NLRP13: variants seen among roughly 807,000 people sequenced by gnomAD.
NLRP13 encodes NACHT, LRR and PYD domains-containing protein 13.
In NLRP13, 82 loss-of-function variants were observed where a neutral mutation model predicts 94.4. That is an observed-to-expected ratio of 0.87 (90% CI 0.73 to 1.04). The LOEUF (loss-of-function observed/expected upper bound fraction) is 1.04. Ranked by LOEUF, NLRP13 falls within the 50% of genes least tolerant of loss-of-function variation. The pLI, the probability that NLRP13 is intolerant of heterozygous loss-of-function variation, is 0.00. For synonymous variants in NLRP13, 553 were observed against 464.7 expected, an observed-to-expected ratio of 1.19 and a Z score of -2.45; for missense variants, 1,426 against 1,230.8, an observed-to-expected ratio of 1.16 and a Z score of -2.37.
chr19:55,911,851 C>G lies in NLRP13; in HGVS notation c.1966G>C (p.Gly656Arg), dbSNP rs557690413. ...QEEDFTKKML[G>R]RIFEVDLNIL... ...TTAAGGTCAACTTCAAAGATACGAC[C>G]CAACATCTTCTTTGTGAAGTCTTCC... Residue 656 changes from glycine (G) to arginine (R), a missense_variant, in exon 5 of 11, where the codon GGT becomes CGT. Gly to Arg is a moderately radical substitution (Grantham distance 125). Coordinates refer to ENST00000342929, the MANE Select transcript of NLRP13 (RefSeq NM_176810.2). 1.9e-5 allele frequency: 30 copies of G among 1,614,152 alleles called. No individual in the cohort carries two copies. The South Asian group carries it at 3.2e-4, about 17-fold the overall frequency.
chr19:55,927,294 G>A (rs559952650), intron 1 of NLRP13, among the ~76,000 whole-genome samples: 135 of 151,236 alleles, frequency 8.9e-4, no homozygotes, highest in African/African-American at 3.0e-3. Context: ...GCTTGAACCC[G>A]GAGGCAGAGG....
intron 1 of NLRP13, among the ~76,000 whole-genome samples, chr19:55,927,300 A>C (rs1254124303): frequency 6.6e-6 from 1 of 150,980 alleles, no homozygotes; most frequent in Non-Finnish European, 1.5e-5. Context: ...ACCCGGAGGC[A>C]GAGGTTGCAG....
rs147351115 is a variant in NLRP13 at position 55,912,120 on chromosome 19, A to G, written c.1697T>C (p.Met566Thr). ...FPPHSTKPQEMKMLLQHVLLD... is the reference protein window; with the variant it reads ...FPPHSTKPQETKMLLQHVLLD... Reference sequence around the variant, plus strand: ...CAAGACGTGTTGCAGTAACATCTTCATCTCTTGTGGCTTTGTGGAATGGGG... The same window carrying G: ...CAAGACGTGTTGCAGTAACATCTTCGTCTCTTGTGGCTTTGTGGAATGGGG... Residue 566 changes from methionine (M) to threonine (T), a missense_variant, in exon 5 of 11, where the codon ATG becomes ACG. Physicochemically the swap from Met to Thr is moderately conservative, Grantham distance 81. Transcript: ENST00000342929. 1.9e-5 allele frequency: 30 copies of G among 1,614,154 alleles called. No homozygotes were observed. The Admixed American group carries it at 2.3e-4, about 13-fold the overall frequency.
In NLRP13 at chr19:55,895,978, T is replaced by C; in HGVS notation, c.3099A>G (p.Lys1033=). Residue 1033 remains lysine (K), a synonymous_variant, in exon 11 of 11, where the codon AAA becomes AAG. Transcript: ENST00000342929. ...GTTTCTGCAGCCTGCATGTCGACTTTTTCAAAGCCTTACATAGCATCTTGA... is the reference window on the plus strand; with the variant it reads ...GTTTCTGCAGCCTGCATGTCGACTTCTTCAAAGCCTTACATAGCATCTTGA... ...DGVKMLCKAL[K]KSTCRLQKLG is the part of the protein sequence containing the mutation. 1 of 1,614,062 alleles carries C rather than the reference T, an allele frequency of 6.2e-7. No homozygotes were observed. The highest frequency in any genetic ancestry group is 8.5e-7 in the Non-Finnish European group (1 of 1,179,982).
chr19:55,921,780 AATGAGGCCACAGAGTTGGAGATGAGAGTC>A (rs1213837285), intron 4 of NLRP13, among the ~76,000 whole-genome samples: 1 of 152,166 alleles, frequency 6.6e-6, no homozygotes, highest in Non-Finnish European at 1.5e-5. Flanking sequence ...AGCAGGTGGC[AATGAGGCCACAGAGTTGGAGATGAGAGTC>A]ATGAGGCCAC....
Position 55,932,286 on chromosome 19 carries a change from G to A in NLRP13, c.26C>T (p.Pro9Leu), listed in dbSNP as rs1419516356. 67 of 1,607,716 alleles carry A rather than the reference G, an allele frequency of 4.2e-5. No homozygotes were observed. The highest frequency in any genetic ancestry group is 5.5e-5 in the Non-Finnish European group (65 of 1,178,532). MNFSVITC[P>L]NGGTNQGLLP... is the part of the protein sequence containing the mutation. ...AAGCCCTTGGTTGGTACCACCGTTGGGGCAGGTGATTACAGAAAAGTTCAT... is the reference window on the plus strand; with the variant it reads ...AAGCCCTTGGTTGGTACCACCGTTGAGGCAGGTGATTACAGAAAAGTTCAT... Residue 9 changes from proline (P) to leucine (L), a missense_variant, in exon 1 of 11, where the codon CCC (proline) becomes CTC (leucine). By Grantham distance (98) the Pro-to-Leu change is moderately conservative. Transcript: ENST00000342929.
chr19:55,893,637 G>A (rs1033002770), downstream of NLRP13, among the ~76,000 whole-genome samples: 3 of 152,272 alleles, frequency 2.0e-5, no homozygotes, highest in African/African-American at 7.2e-5. Context: ...AGAAAACCAT[G>A]GCGCAGATGA....
chr19:55,906,751 C>T (rs558663413), intron 7 of NLRP13, among the ~76,000 whole-genome samples: 1 of 67,244 alleles, frequency 1.5e-5, no homozygotes, highest in South Asian at 4.4e-4. Context: ...TCTGTGTTTA[C>T]AGACCCCCCC....
chr19:55,913,364 G>A, intron 4 of NLRP13, 71 bp from the exon 5 acceptor site: 1 of 1,475,420 alleles, frequency 6.8e-7, no homozygotes. Flanking sequence ...CAGTTACAAA[G>A]TTCCTACCCC....
intron 4 of NLRP13, among the ~76,000 whole-genome samples, chr19:55,920,838 C>A (rs866453808): frequency 6.6e-6 from 1 of 151,962 alleles, no homozygotes; most frequent in Non-Finnish European, 1.5e-5. Flanking sequence ...AGCAAAGATA[C>A]GCAATCAACC....
At chr19:55,931,718 A>AGACAGAAAGAAAGAAAGACAGAAAG in intron 1 of NLRP13, among the ~76,000 whole-genome samples, 2 of 96,026 alleles carry the variant, frequency 2.1e-5, no homozygotes, top group African/African-American at 8.3e-5. Context: ...TCAAAAAAAA[A>AGACAGAAAGAAAGAAAGACAGAAAG]AAAAAAAGAA....
intron 1 of NLRP13, among the ~76,000 whole-genome samples, chr19:55,929,688 C>G (rs891961798): frequency 1.3e-5 from 2 of 151,966 alleles, no homozygotes. Context: ...ATGGGTTGAT[C>G]GGTGCAGCAA....
intron 9 of NLRP13, among the ~76,000 whole-genome samples, chr19:55,900,720 G>T (rs1986143140): frequency 6.7e-6 from 1 of 149,972 alleles, no homozygotes; most frequent in Admixed American, 6.7e-5. Context: ...AGCTTGCAGT[G>T]AGCTGAGATC....
intron 1 of NLRP13, among the ~76,000 whole-genome samples, chr19:55,931,732 A>AAGACAGAAAGAAAGAAAGAAAGAAAGAC (rs1439351241): frequency 7.2e-6 from 1 of 138,672 alleles, no homozygotes; most frequent in Non-Finnish European, 1.6e-5. Flanking sequence ...AAAAGAAAGA[A>AAGACAGAAAGAAAGAAAGAAAGAAAGAC]AGAAAGAAAG....
At chr19:55,915,722 C>A (rs1986658339) in intron 4 of NLRP13, among the ~76,000 whole-genome samples, 1 of 151,928 alleles carries the variant, frequency 6.6e-6, no homozygotes, top group South Asian at 2.1e-4. Flanking sequence ...GCCAACTCAG[C>A]CAGCAGAGAT....
intron 4 of NLRP13, among the ~76,000 whole-genome samples, chr19:55,920,086 A>G (rs1006574316): frequency 6.6e-6 from 1 of 152,110 alleles, no homozygotes. Flanking sequence ...GGGAAAGGGC[A>G]CTCTATTCAA....
At chr19:55,893,319 C>T (rs749207728), downstream of NLRP13, among the ~76,000 whole-genome samples, 9 of 151,450 alleles carry the variant, frequency 5.9e-5, no homozygotes, top group East Asian at 1.9e-4. Context: ...ACCTGGGAGG[C>T]GGAGGGTGCG....
chr19:55,911,827 T>G lies in NLRP13; in HGVS notation c.1990A>C (p.Asn664His). The G allele has an allele frequency of 6.2e-7, 1 of 1,614,170 alleles. No homozygotes were observed. ...TGGAGTTCTTCGTCCTCCAAAATAT[T>G]AAGGTCAACTTCAAAGATACGACCC... ...MLGRIFEVDLNILEDEELQAS... is the reference protein window; with the variant it reads ...MLGRIFEVDLHILEDEELQAS... Residue 664 changes from asparagine (N) to histidine (H), a missense_variant, in exon 5 of 11, where the codon AAT (asparagine) becomes CAT (histidine). Physicochemically the swap from Asn to His is moderately conservative, Grantham distance 68. Transcript: ENST00000342929.
At chr19:55,896,837 AAAAAAAAAT>A (rs1485125877) in intron 10 of NLRP13, among the ~76,000 whole-genome samples, 1 of 151,474 alleles carries the variant, frequency 6.6e-6, no homozygotes, top group African/African-American at 2.4e-5. Context: ...AAAAAAAAAA[AAAAAAAAAT>A]GGAAAAGAGT....
Sources: allele counts gnomAD v4.1 joint callset (sites outside exome capture counted in the v4.1 genomes callset), GRCh38; gene constraint gnomAD v4.1.1; transcripts MANE v1.5; gene names NCBI Gene and HGNC (gene_info 2026-07-23, HGNC 2026-07-21).